The following PCDHGA5 variants were observed in gnomAD, a reference collection of about 807,000 sequenced individuals.
PCDHGA5 encodes protocadherin gamma subfamily A, 5.
PCDHGA5 carries 36 observed loss-of-function variants against 56.7 expected under a neutral mutation model. That is an observed-to-expected ratio of 0.64 (90% CI 0.49 to 0.84). PCDHGA5 has a LOEUF of 0.84. Ranked by LOEUF, PCDHGA5 falls within the 40% of genes least tolerant of loss-of-function variation. The pLI is 0.00. For missense variants in PCDHGA5, 1,305 were observed against 1,201.5 expected (o/e 1.09, Z -1.27); for synonymous variants, 563 against 520.2 (o/e 1.08, Z -1.12).
intron 1 of PCDHGA5, chr5:141,417,647 C>T: frequency 2.5e-6 from 2 of 812,384 alleles, no homozygotes; most frequent in Non-Finnish European, 3.7e-6. Context: ...ATCCCTCAGC[C>T]TCTAGCCTGG....
At chr5:141,488,207 TC>T (rs2099672969) in intron 1 of PCDHGA5, among the ~76,000 whole-genome samples, 1 of 152,216 alleles carries the variant, frequency 6.6e-6, no homozygotes, top group Non-Finnish European at 1.5e-5. Context: ...AGGACTCATA[TC>T]AAGTCCCTAC....
At chr5:141,422,684 C>T (rs2096664410) in intron 1 of PCDHGA5, 1 of 1,604,876 alleles carries the variant, frequency 6.2e-7, no homozygotes, top group Admixed American at 1.7e-5. Flanking sequence ...AAACAGAATG[C>T]CCTGGTCACT....
Position 141,447,676 on chromosome 5 carries a change from C to T in PCDHGA5, c.2422-47131C>T, listed in dbSNP as rs1466767844. Among the ~76,000 whole-genome samples the T allele has an allele frequency of 2.6e-5, 4 of 152,104 alleles. No individual in the cohort carries two copies. The East Asian group carries it at 7.7e-4, about 29-fold the overall frequency. On this transcript the variant is annotated intron_variant, in intron 1 of 3. Coordinates refer to ENST00000518069, the MANE Select transcript of PCDHGA5 (RefSeq NM_018918.3). The stretch of plus-strand genomic sequence containing the variant: ...CCCCCCCAGGAAGTTAGAACTGTTC[C>T]ATATCTTGATAGAGGGATGGGTTAT...
chr5:141,410,246 TCTGACCCCCAGG>T (rs2095371499), intron 1 of PCDHGA5: 2 of 1,614,004 alleles, frequency 1.2e-6, no homozygotes, highest in Admixed American at 3.3e-5. Flanking sequence ...CCCTGTACTC[TCTGACCCCCAGG>T]CTGAACTGCA....
At chr5:141,421,000 A>G (rs2096537102) in intron 1 of PCDHGA5, 1 of 507,878 alleles carries the variant, frequency 2.0e-6, no homozygotes, top group East Asian at 3.3e-5. Flanking sequence ...CTGCTCACCA[A>G]TCAGGGAATG....
Position 141,376,694 on chromosome 5 carries a change from T to A in PCDHGA5, c.2421+9943T>A, listed in dbSNP as rs77365062. On this transcript the variant is annotated intron_variant, in intron 1 of 3. Coordinates refer to ENST00000518069, the MANE Select transcript of PCDHGA5 (RefSeq NM_018918.3). Reference sequence around the variant, plus strand: ...GGGTATCGTTTTTTTTTTTTTTTTTTTTTGAGACGGAGTCTCGCTCTGTCG... The same window carrying A: ...GGGTATCGTTTTTTTTTTTTTTTTTATTTGAGACGGAGTCTCGCTCTGTCG... The A allele has an allele frequency of 5.1e-6, 4 of 779,702 alleles. 1 individual carries two copies. The highest frequency in any genetic ancestry group is 3.9e-6 in the Non-Finnish European group (2 of 515,410). 48.3% of individuals were successfully genotyped at this position (779,702 alleles called of 1,614,324 possible).
chr5:141,399,832 G>C (rs2093898646), intron 1 of PCDHGA5: 1 of 1,613,034 alleles, frequency 6.2e-7, no homozygotes, highest in Admixed American at 1.7e-5. Context: ...CGACGGCTCT[G>C]CGCTCTTCGA....
At chr5:141,502,118 G>A (rs897244225) in intron 2 of PCDHGA5, among the ~76,000 whole-genome samples, 3 of 152,108 alleles carry the variant, frequency 2.0e-5, no homozygotes, top group African/African-American at 7.2e-5. Context: ...CCTCAGCCAG[G>A]CCCACAGAGC....
chr5:141,457,937 G>A (rs916509260), intron 1 of PCDHGA5, among the ~76,000 whole-genome samples: 1 of 152,166 alleles, frequency 6.6e-6, no homozygotes, highest in African/African-American at 2.4e-5. Flanking sequence ...GGCTTTTATT[G>A]GCTCTGCATG....
intron 1 of PCDHGA5, chr5:141,385,514 G>T: frequency 7.3e-7 from 1 of 1,363,606 alleles, no homozygotes; most frequent in Non-Finnish European, 9.5e-7. Context: ...TTTAGTGAAA[G>T]CCTATGGACA....
intron 1 of PCDHGA5, chr5:141,404,780 AAGGCCAGTGAGCC>A: frequency 6.2e-7 from 1 of 1,612,764 alleles, no homozygotes; most frequent in Non-Finnish European, 8.5e-7. Context: ...CCGCCTATTC[AAGGCCAGTGAGCC>A]AGGGCTCTTC....
rs1321974739 is a variant in PCDHGA5, at chr5:141,432,755, G to A, written c.2422-62052G>A. The A allele has an allele frequency of 2.5e-6, 4 of 1,614,134 alleles. No individual in the cohort carries two copies. Among genetic ancestry groups the A allele is most frequent in the African/African-American group, 1.3e-5 (1 of 75,060 alleles). On this transcript the variant is annotated intron_variant, in intron 1 of 3. Coordinates refer to ENST00000518069, the MANE Select transcript of PCDHGA5 (RefSeq NM_018918.3). This position sits in a 1 kb window ranked among gnomAD's most constrained non-coding sequence, Gnocchi z 6.0. ...TGTCACGCTCACCGTGGCCGTGGCC[G>A]ACAGCATCCCCCAAGTCCTGGCGGA...
intron 1 of PCDHGA5, chr5:141,424,160 C>A (rs187420643): frequency 6.3e-4 from 172 of 273,324 alleles, no homozygotes; most frequent in South Asian, 2.2e-3. Flanking sequence ...CTCTCCTTCT[C>A]ATCTATCTAT....
chr5:141,413,921 C>G, intron 1 of PCDHGA5: 2 of 1,613,360 alleles, frequency 1.2e-6, no homozygotes, highest in Middle Eastern at 1.6e-4. Flanking sequence ...TTCACCTTGC[C>G]AGAATACCGA....
At chr5:141,423,880 G>A in intron 1 of PCDHGA5, 1 of 1,282,292 alleles carries the variant, frequency 7.8e-7, no homozygotes, top group Middle Eastern at 2.9e-4. Context: ...TTTCAATCTT[G>A]GCATATTTTC....
At chr5:141,425,321 G>A (rs1020940689) in intron 1 of PCDHGA5, among the ~76,000 whole-genome samples, 2 of 152,182 alleles carry the variant, frequency 1.3e-5, no homozygotes, top group South Asian at 2.1e-4. Flanking sequence ...CAAGATCGTG[G>A]AGAACAAAAA....
chr5:141,461,334 G>T (rs558562450), intron 1 of PCDHGA5, among the ~76,000 whole-genome samples: 75 of 152,166 alleles, frequency 4.9e-4, no homozygotes, highest in African/African-American at 1.7e-3. Flanking sequence ...GGCCATTCTT[G>T]CAGGACCAAG....
Position 141,505,427 on chromosome 5 carries a change from A to G in PCDHGA5, c.2515A>G (p.Asn839Asp), listed in dbSNP as rs1453435374. Reference protein sequence around the residue: ...QNGDDTGTWPNNQFDTEMLQA... With the variant: ...QNGDDTGTWPDNQFDTEMLQA... The stretch of plus-strand genomic sequence containing the variant: ...TGGCGATGACACCGGCACCTGGCCC[A>G]ACAACCAGTTTGACACAGAGATGCT... The change falls in exon 3 of 4, where the codon AAC (asparagine) becomes GAC (aspartate). Residue 839 changes from asparagine to aspartate, a missense_variant. Physicochemically the swap from Asn to Asp is conservative, Grantham distance 23 (BLOSUM62 1). Coordinates refer to ENST00000518069, the MANE Select transcript of PCDHGA5 (RefSeq NM_018918.3). 1 of 1,614,230 alleles carries G rather than the reference A, an allele frequency of 6.2e-7. No individual in the cohort carries two copies. Among genetic ancestry groups the G allele is most frequent in the East Asian group, 2.2e-5 (1 of 44,878 alleles).
chr5:141,490,482 G>A lies in PCDHGA5; in HGVS notation c.2422-4325G>A. On this transcript the variant is annotated intron_variant, in intron 1 of 3. Coordinates refer to ENST00000518069, the MANE Select transcript of PCDHGA5 (RefSeq NM_018918.3). The surrounding 1 kb of genome is among the most constrained non-coding windows in gnomAD (Gnocchi z 5.4). ...TGCTAACCAGCCAGCCTTTGGACCG[G>A]GAGGCCACATCCCACTATATCATCG... 2.5e-6 allele frequency: 4 copies of A among 1,614,154 alleles called. No homozygotes were observed. In the South Asian group the frequency reaches 4.4e-5, roughly 18 times the overall value.
Sources: allele counts gnomAD v4.1 joint callset (sites outside exome capture counted in the v4.1 genomes callset), GRCh38; gene constraint gnomAD v4.1.1; non-coding constraint Gnocchi (gnomAD v3.1); transcripts MANE v1.5; gene names NCBI Gene and HGNC (gene_info 2026-07-23, HGNC 2026-07-21).